ATAD2: variants seen among roughly 807,000 people sequenced by gnomAD.
ATAD2 encodes the protein ATPase family AAA domain containing 2.
Under a neutral mutation model 168.9 loss-of-function variants are expected in ATAD2, and 62 were observed. The observed-to-expected ratio is 0.37, with a 90% CI of 0.30 to 0.45. The LOEUF is 0.45. Among genes scored for constraint, ATAD2 ranks in the 20% least tolerant of loss-of-function variants. The pLI is 1.00. For synonymous variants in ATAD2, 613 were observed against 571.6 expected (o/e 1.07, Z -1.03); for missense variants, 1,419 against 1,667.8 (o/e 0.85, Z 2.60).
rs1829473341 is a variant in ATAD2, at chr8:123,380,802, T to C, written c.172-125A>G. The C allele has an allele frequency of 3.4e-6, 3 of 883,060 alleles. No individual in the cohort carries two copies. In the East Asian group the frequency reaches 7.9e-5, roughly 23 times the overall value. 54.7% of individuals were successfully genotyped at this position (883,060 alleles called of 1,614,324 possible). A position where few individuals can be genotyped will look rare whatever the true frequency, so the allele number is the denominator to read the frequency against. On this transcript the variant is annotated intron_variant, in intron 1 of 27. Transcript: ENST00000287394. Reference sequence around the variant, plus strand: ...GCTTTTTGTGCAGAATCATTTTGTATCTCCCCAAGAAACTACAAGTTAGTA... The same window carrying C: ...GCTTTTTGTGCAGAATCATTTTGTACCTCCCCAAGAAACTACAAGTTAGTA...
chr8:123,354,387 TG>T (rs942512684), intron 13 of ATAD2, among the ~76,000 whole-genome samples: 2 of 152,152 alleles, frequency 1.3e-5, no homozygotes, highest in African/African-American at 4.8e-5. Flanking sequence ...TAAAATAACT[TG>T]AATACTAAAT....
At chr8:123,397,254 A>G (rs1454672315), upstream of ATAD2, among the ~76,000 whole-genome samples, 2 of 151,630 alleles carry the variant, frequency 1.3e-5, no homozygotes, top group African/African-American at 4.8e-5. Flanking sequence ...AAAAAAAAAA[A>G]AAAAAAAAAA....
chr8:123,345,096 C>G, intron 18 of ATAD2, 27 bp from the exon 19 acceptor site: 1 of 1,555,456 alleles, frequency 6.4e-7, no homozygotes. Flanking sequence ...AAAACAAATT[C>G]AGTTAGAGTC....
At chr8:123,401,362 AC>A, upstream of ATAD2, 1 of 1,404,750 alleles carries the variant, frequency 7.1e-7, no homozygotes, top group Non-Finnish European at 1.0e-6. Flanking sequence ...GGACCTGCTC[AC>A]CCAGGCGGGT....
At chr8:123,403,532 A>T (rs1309698153) in intron 1 of ATAD2, among the ~76,000 whole-genome samples, 1 of 151,846 alleles carries the variant, frequency 6.6e-6, no homozygotes, top group East Asian at 1.9e-4. Flanking sequence ...GAACTCCTGG[A>T]TTCAACCAAT....
At chr8:123,405,214 A>T (rs1813053135) in intron 1 of ATAD2, among the ~76,000 whole-genome samples, 1 of 151,334 alleles carries the variant, frequency 6.6e-6, no homozygotes, top group Non-Finnish European at 1.5e-5. Context: ...CTCAGGCTGT[A>T]TTTGTCCCAA....
chr8:123,356,224 C>T, intron 13 of ATAD2, 165 bp downstream of exon 13: 1 of 417,548 alleles, frequency 2.4e-6, no homozygotes, highest in Non-Finnish European at 4.2e-6. Context: ...GCCACTGCAA[C>T]CATCCACATT....
intron 8 of ATAD2, among the ~76,000 whole-genome samples, chr8:123,367,273 G>A (rs186894351): frequency 2.6e-5 from 4 of 152,166 alleles, no homozygotes; most frequent in South Asian, 2.1e-4. Context: ...AAAAATTAGC[G>A]GGGCATGGTG....
At chr8:123,379,890 A>AT (rs71895855) in intron 2 of ATAD2, among the ~76,000 whole-genome samples, 9 of 129,150 alleles carry the variant, frequency 7.0e-5, no homozygotes, top group East Asian at 2.2e-4. Flanking sequence ...TATTATTATT[A>AT]TTTTTTTTTT....
chr8:123,360,170 C>T (rs1178695352), intron 9 of ATAD2, among the ~76,000 whole-genome samples: 1 of 152,194 alleles, frequency 6.6e-6, no homozygotes, highest in Non-Finnish European at 1.5e-5. Flanking sequence ...TGTCCAAGAT[C>T]ACCCAACTAG....
intron 24 of ATAD2, 117 bp downstream of exon 24, chr8:123,333,761 C>T: frequency 1.7e-6 from 2 of 1,182,526 alleles, no homozygotes; most frequent in Non-Finnish European, 2.3e-6. Context: ...TTAATAGTAA[C>T]AAAATCAATG....
chr8:123,404,844 CT>C (rs1311643342), intron 1 of ATAD2, among the ~76,000 whole-genome samples: 4 of 152,148 alleles, frequency 2.6e-5, no homozygotes, highest in Non-Finnish European at 5.9e-5. Flanking sequence ...CCAGCCCCCC[CT>C]TTCTCTCATA....
chr8:123,386,110 A>G (rs914692693), intron 1 of ATAD2, among the ~76,000 whole-genome samples: 12 of 152,124 alleles, frequency 7.9e-5, no homozygotes, highest in African/African-American at 2.9e-4. Context: ...AACATAAAAT[A>G]GTAAGGCAAT....
rs572178553 is a variant in ATAD2 at position 123,374,058 on chromosome 8, A to G, written c.321-1372T>C. Reference sequence around the variant, plus strand: ...TCATCTCTCTTGGAAGACAGGTAAGAATTAAGAAGAAAATAAAAACTTTTG... The same window carrying G: ...TCATCTCTCTTGGAAGACAGGTAAGGATTAAGAAGAAAATAAAAACTTTTG... On this transcript the variant is annotated intron_variant, in intron 2 of 27. Coordinates refer to ENST00000287394, the MANE Select transcript of ATAD2 (RefSeq NM_014109.4). Among the ~76,000 whole-genome samples, 20 of 152,268 alleles carry G rather than the reference A, an allele frequency of 1.3e-4. No individual in the cohort carries two copies. In the East Asian group the frequency reaches 3.7e-3, roughly 28 times the overall value.
chr8:123,408,062 T>C (rs550249259), intron 1 of ATAD2, among the ~76,000 whole-genome samples: 1 of 152,182 alleles, frequency 6.6e-6, no homozygotes, highest in Non-Finnish European at 1.5e-5. Context: ...TGGACTGGGA[T>C]TTCTTTTAGG....
upstream of ATAD2, chr8:123,400,944 C>T (rs972563927): frequency 6.4e-6 from 9 of 1,404,420 alleles, no homozygotes; most frequent in Middle Eastern, 2.5e-4. This position sits in a 1 kb window ranked among gnomAD's most constrained non-coding sequence, Gnocchi z 4.5. Context: ...TGCTGAGCCC[C>T]TCGCACCCTG....
intron 16 of ATAD2, 38 bp downstream of exon 16, chr8:123,347,054 A>C (rs1406523993): frequency 5.2e-6 from 8 of 1,536,072 alleles, no homozygotes; most frequent in Middle Eastern, 1.7e-4. Flanking sequence ...TTTACTGATT[A>C]TAAAAACTAA....
intron 1 of ATAD2, among the ~76,000 whole-genome samples, chr8:123,403,693 TG>T (rs1443191891): frequency 6.6e-6 from 1 of 152,138 alleles, no homozygotes; most frequent in Non-Finnish European, 1.5e-5. Flanking sequence ...TGAGAATGAT[TG>T]GAAGTAGCAA....
Position 123,323,008 on chromosome 8 carries a change from T to C in ATAD2, c.4061A>G (p.Asn1354Ser). 8 of 1,613,162 alleles carry C rather than the reference T, an allele frequency of 5.0e-6. No homozygotes were observed. The highest frequency in any genetic ancestry group is 5.9e-6 in the Non-Finnish European group (7 of 1,179,202). Residue 1354 changes from asparagine (N) to serine (S), a missense_variant, in exon 27 of 28, where the codon AAT (asparagine) becomes AGT (serine). Around this residue, in one of 5 missense-constraint regions of ATAD2, gnomAD observed 303 missense variants for 304.3 expected, o/e 1.00. Transcript: ENST00000287394. ...ACATTGGCTGATTACTGCATACAAA[T>C]TTTCCAACTGAAATATGTTGTAGTT... ...SQNYNIFQLENLYAVISQCIY... is the reference protein window; with the variant it reads ...SQNYNIFQLESLYAVISQCIY...
Sources: gnomAD v4.1 joint callset for allele counts (sites outside exome capture counted in the v4.1 genomes callset) on GRCh38, gnomAD v4.1.1 for gene constraint, gnomAD v4.1.1 regional missense constraint, Gnocchi (gnomAD v3.1) non-coding constraint, MANE v1.5 for transcripts, NCBI Gene and HGNC (gene_info 2026-07-23, HGNC 2026-07-21) for gene names.